EXOC4: variants seen among roughly 807,000 people sequenced by gnomAD.
EXOC4 encodes SEC8-like 1.
A neutral mutation model predicts 107.2 loss-of-function variants in EXOC4; 71 were observed. That is an observed-to-expected ratio of 0.66 (90% CI 0.55 to 0.81). EXOC4 has a LOEUF of 0.81. EXOC4 is among the 30% of genes least tolerant of loss of function. The pLI is 0.00. For synonymous variants in EXOC4, 456 were observed against 441.2 expected (o/e 1.03, Z -0.42); for missense variants, 1,108 against 1,189.6 (o/e 0.93, Z 1.01).
intron 10 of EXOC4, among the ~76,000 whole-genome samples, chr7:133,793,839 TCA>T (rs1473219592): frequency 1.1e-5 from 1 of 90,584 alleles, no homozygotes; most frequent in Non-Finnish European, 2.2e-5. Context: ...GGAGACTCTG[TCA>T]CACACACAAA....
intron 7 of EXOC4, among the ~76,000 whole-genome samples, chr7:133,441,446 A>T (rs1298173776): frequency 2.0e-5 from 3 of 152,196 alleles, no homozygotes; most frequent in Admixed American, 2.0e-4. Context: ...TCTGGAGAGC[A>T]GTGGTGCAGT....
chr7:133,808,041 T>C (rs1328963771), intron 10 of EXOC4, among the ~76,000 whole-genome samples: 1 of 152,208 alleles, frequency 6.6e-6, no homozygotes, highest in East Asian at 1.9e-4. Context: ...CTTCCAGACA[T>C]GAATTGCACA....
At chr7:133,895,999 A>G (rs1799298531) in intron 12 of EXOC4, among the ~76,000 whole-genome samples, 1 of 152,270 alleles carries the variant, frequency 6.6e-6, no homozygotes, top group South Asian at 2.1e-4. Context: ...ATGAAAACCT[A>G]GAATGATAAG....
At chr7:134,054,955 C>G (rs1452355261) in intron 17 of EXOC4, among the ~76,000 whole-genome samples, 1 of 152,100 alleles carries the variant, frequency 6.6e-6, no homozygotes, top group Admixed American at 6.6e-5. Context: ...GTCACATGTC[C>G]TTGAATTTCA....
Position 133,589,599 on chromosome 7 carries a change from T to C in EXOC4, c.1418-40446T>C, listed in dbSNP as rs1487442770. Among the ~76,000 whole-genome samples, 3 of 152,212 alleles carry C rather than the reference T, an allele frequency of 2.0e-5. No homozygotes were observed. The East Asian group carries it at 5.8e-4, about 29-fold the overall frequency. ...AGCACAACAGTTTTGCCATGCAGAGTAGAAAGTTTGCTCAACTTTAATTTT... is the reference window on the plus strand; with the variant it reads ...AGCACAACAGTTTTGCCATGCAGAGCAGAAAGTTTGCTCAACTTTAATTTT... On this transcript the variant is annotated intron_variant, in intron 9 of 17. Transcript: ENST00000253861.
intron 7 of EXOC4, among the ~76,000 whole-genome samples, chr7:133,449,979 A>G (rs940539904): frequency 1.7e-4 from 26 of 151,934 alleles, no homozygotes; most frequent in African/African-American, 6.3e-4. Context: ...CTGAAGTTGC[A>G]GCATTTTAAC....
intron 17 of EXOC4, among the ~76,000 whole-genome samples, chr7:134,041,890 A>G (rs1563101842): frequency 2.0e-5 from 3 of 152,236 alleles, no homozygotes; most frequent in Non-Finnish European, 4.4e-5. Flanking sequence ...AACAACAGTT[A>G]CAATCTTTAT....
intron 9 of EXOC4, among the ~76,000 whole-genome samples, chr7:133,577,927 T>C (rs976895481): frequency 2.0e-5 from 3 of 152,190 alleles, no homozygotes; most frequent in Non-Finnish European, 4.4e-5. Context: ...TATTGTGTAA[T>C]GAAATACCAA....
chr7:134,083,412 G>T, the EXOC4 span, among the ~76,000 whole-genome samples: 3 of 152,218 alleles, frequency 2.0e-5, no homozygotes, highest in Non-Finnish European at 4.4e-5. Flanking sequence ...ACTAATCCAA[G>T]ACTTAGTAGC....
chr7:133,798,971 A>C (rs1796874419), intron 10 of EXOC4, among the ~76,000 whole-genome samples: 1 of 152,150 alleles, frequency 6.6e-6, no homozygotes, highest in East Asian at 1.9e-4. Context: ...TAGACTACAG[A>C]CAATAAGGCT....
intron 14 of EXOC4, among the ~76,000 whole-genome samples, chr7:133,983,435 A>G (rs553485903): frequency 3.8e-4 from 58 of 152,368 alleles, no homozygotes; most frequent in Non-Finnish European, 8.8e-5. Context: ...GAGGAACTCC[A>G]TATGGGACTT....
intron 5 of EXOC4, among the ~76,000 whole-genome samples, chr7:133,348,527 G>C (rs779473680): frequency 5.9e-5 from 9 of 152,122 alleles, no homozygotes; most frequent in Non-Finnish European, 8.8e-5. Context: ...CACTTTGTAT[G>C]TGTCACGTTT....
intron 7 of EXOC4, among the ~76,000 whole-genome samples, chr7:133,453,675 T>G (rs1798398382): frequency 6.6e-6 from 1 of 152,112 alleles, no homozygotes; most frequent in African/African-American, 2.4e-5. Context: ...TTGCATAAGC[T>G]TATGCATACC....
intron 9 of EXOC4, among the ~76,000 whole-genome samples, chr7:133,574,901 C>T (rs939187694): frequency 6.6e-6 from 1 of 152,176 alleles, no homozygotes; most frequent in African/African-American, 2.4e-5. Flanking sequence ...AAACCTGTTA[C>T]AAACAAATTT....
chr7:133,626,471 C>T (rs1006603504), intron 9 of EXOC4, among the ~76,000 whole-genome samples: 1 of 152,070 alleles, frequency 6.6e-6, no homozygotes, highest in Non-Finnish European at 1.5e-5. Flanking sequence ...AAGAGGAAAT[C>T]GTGACAAATG....
chr7:133,828,570 C>A (rs1797747950), intron 11 of EXOC4, among the ~76,000 whole-genome samples: 1 of 152,114 alleles, frequency 6.6e-6, no homozygotes, highest in African/African-American at 2.4e-5. Context: ...GTTTAATGGC[C>A]ATTTAAGATT....
chr7:134,067,616 A>T (rs944388087), downstream of EXOC4, among the ~76,000 whole-genome samples: 1 of 134,682 alleles, frequency 7.4e-6, no homozygotes, highest in Non-Finnish European at 1.6e-5. Context: ...ATCAGCTAGG[A>T]CCCAACTCTT....
chr7:133,865,373 G>A (rs563886545), intron 11 of EXOC4, among the ~76,000 whole-genome samples: 3 of 152,150 alleles, frequency 2.0e-5, no homozygotes, highest in Non-Finnish European at 2.9e-5. Flanking sequence ...TAAATTCAGC[G>A]TATGCCAACA....
intron 10 of EXOC4, among the ~76,000 whole-genome samples, chr7:133,787,542 A>G (rs1434748233): frequency 6.6e-6 from 1 of 151,944 alleles, no homozygotes; most frequent in African/African-American, 2.4e-5. Context: ...CTATAATAAA[A>G]TACTGTAGAT....
Sources: gnomAD v4.1 joint callset for allele counts (sites outside exome capture counted in the v4.1 genomes callset) on GRCh38, gnomAD v4.1.1 for gene constraint, MANE v1.5 for transcripts, NCBI Gene and HGNC (gene_info 2026-07-23, HGNC 2026-07-21) for gene names.